The following TTC29 variants were observed in gnomAD, a reference collection of about 807,000 sequenced individuals.
TTC29 encodes the protein tetratricopeptide repeat protein 29.
TTC29 carries 49 observed loss-of-function variants against 58.1 expected under a neutral mutation model. The observed-to-expected ratio is 0.84, with a 90% CI of 0.67 to 1.07. The LOEUF (loss-of-function observed/expected upper bound fraction) is 1.07. TTC29 is among the 50% of genes least tolerant of loss of function. The pLI is 0.00. For synonymous variants in TTC29, 209 were observed against 196.8 expected (o/e 1.06, Z -0.52); for missense variants, 582 against 555.6 (o/e 1.05, Z -0.48).
At chr4:146,712,419 T>G (rs1045830051) in intron 11 of TTC29, among the ~76,000 whole-genome samples, 1 of 152,138 alleles carries the variant, frequency 6.6e-6, no homozygotes, top group Non-Finnish European at 1.5e-5. Flanking sequence ...TGGATTGACA[T>G]AGACTCATGT....
chr4:146,824,606 T>C (rs1727639520), intron 9 of TTC29, among the ~76,000 whole-genome samples: 1 of 152,208 alleles, frequency 6.6e-6, no homozygotes, highest in Non-Finnish European at 1.5e-5. Context: ...ATCAGGATGA[T>C]GCTGGCTTCA....
intron 7 of TTC29, among the ~76,000 whole-genome samples, chr4:146,871,065 A>T (rs1730895760): frequency 6.6e-6 from 1 of 151,972 alleles, no homozygotes; most frequent in Admixed American, 6.6e-5. Flanking sequence ...CCCTACGAAT[A>T]TAGTCACAAA....
intron 11 of TTC29, among the ~76,000 whole-genome samples, chr4:146,780,666 GAAGA>G (rs1048668849): frequency 1.3e-5 from 2 of 151,716 alleles, no homozygotes; most frequent in African/African-American, 4.8e-5. Flanking sequence ...TTAAATTGCT[GAAGA>G]AATATATATT....
At chr4:146,869,747 T>C (rs993753457) in intron 7 of TTC29, among the ~76,000 whole-genome samples, 1 of 152,112 alleles carries the variant, frequency 6.6e-6, no homozygotes, top group Non-Finnish European at 1.5e-5. Flanking sequence ...AAAACATCTA[T>C]TGCTACTGAT....
chr4:146,758,135 G>A (rs1746596617), intron 11 of TTC29, among the ~76,000 whole-genome samples: 1 of 151,950 alleles, frequency 6.6e-6, no homozygotes, highest in African/African-American at 2.4e-5. Context: ...AACTTAAAGG[G>A]GTGGAAAAAG....
intron 11 of TTC29, among the ~76,000 whole-genome samples, chr4:146,728,841 A>ATG (rs1433901686): frequency 2.5e-5 from 2 of 80,120 alleles, no homozygotes; most frequent in African/African-American, 8.5e-5. Flanking sequence ...ATATACACAT[A>ATG]TATATGTATA....
intron 10 of TTC29, among the ~76,000 whole-genome samples, chr4:146,808,584 T>C (rs1750786519): frequency 6.6e-6 from 1 of 152,154 alleles, no homozygotes; most frequent in Non-Finnish European, 1.5e-5. Flanking sequence ...CAAGCATTCC[T>C]ATACACCAAT....
intron 11 of TTC29, among the ~76,000 whole-genome samples, chr4:146,795,036 G>A (rs191149598): frequency 6.6e-6 from 1 of 152,204 alleles, no homozygotes; most frequent in Non-Finnish European, 1.5e-5. Context: ...GTTTGACAAA[G>A]TCCAACTTTG....
chr4:146,724,762 C>T (rs775072904), intron 11 of TTC29, among the ~76,000 whole-genome samples: 10 of 152,182 alleles, frequency 6.6e-5, no homozygotes, highest in Admixed American at 2.0e-4. Context: ...GATCCGCCTG[C>T]CTCGGCCTCC....
chr4:146,927,294 T>G (rs749017188), intron 4 of TTC29, among the ~76,000 whole-genome samples: 7 of 152,116 alleles, frequency 4.6e-5, no homozygotes, highest in Non-Finnish European at 8.8e-5. Context: ...TACAGAAAGG[T>G]TAAGTAACTT....
intron 9 of TTC29, among the ~76,000 whole-genome samples, chr4:146,823,159 T>C (rs1041924268): frequency 1.3e-5 from 2 of 152,250 alleles, no homozygotes; most frequent in African/African-American, 4.8e-5. Flanking sequence ...TTTGGTGTTT[T>C]TGCCATGACG....
At chr4:146,805,957 G>A (rs552118614) in intron 10 of TTC29, among the ~76,000 whole-genome samples, 1 of 152,126 alleles carries the variant, frequency 6.6e-6, no homozygotes, top group East Asian at 1.9e-4. Flanking sequence ...TTAAAATGAA[G>A]GAAACAATGT....
intron 11 of TTC29, among the ~76,000 whole-genome samples, chr4:146,796,789 T>C (rs1749864184): frequency 6.6e-6 from 1 of 152,190 alleles, no homozygotes; most frequent in Non-Finnish European, 1.5e-5. Context: ...TTGGGGCTCC[T>C]TGTAGAAATG....
intron 9 of TTC29, among the ~76,000 whole-genome samples, chr4:146,829,366 C>A (rs1409216501): frequency 6.6e-6 from 1 of 152,118 alleles, no homozygotes; most frequent in Non-Finnish European, 1.5e-5. Context: ...TTTGGTTGAA[C>A]CAATGCATGA....
At chr4:146,836,564 T>G (rs556461063) in intron 8 of TTC29, among the ~76,000 whole-genome samples, 84 of 151,968 alleles carry the variant, frequency 5.5e-4, no homozygotes, top group African/African-American at 1.8e-3. Context: ...AGTAGGAGGG[T>G]CTTCATTAAA....
chr4:146,781,459 T>C (rs1748595321), intron 11 of TTC29, among the ~76,000 whole-genome samples: 1 of 151,712 alleles, frequency 6.6e-6, no homozygotes, highest in Non-Finnish European at 1.5e-5. Flanking sequence ...AACCCCAATA[T>C]CTCCAAACAA....
At chr4:146,845,953 T>C (rs1412398936) in intron 8 of TTC29, among the ~76,000 whole-genome samples, 1 of 152,178 alleles carries the variant, frequency 6.6e-6, no homozygotes, top group Non-Finnish European at 1.5e-5. Context: ...ATACCTGTTT[T>C]GCTCTCCATT....
chr4:146,930,006 C>A (rs1225433484), intron 4 of TTC29, among the ~76,000 whole-genome samples: 1 of 146,722 alleles, frequency 6.8e-6, no homozygotes, highest in East Asian at 2.0e-4. Context: ...TACATATATA[C>A]ACACAAACAT....
intron 10 of TTC29, among the ~76,000 whole-genome samples, chr4:146,815,335 G>A (rs1389052144): frequency 2.0e-5 from 3 of 152,168 alleles, no homozygotes; most frequent in Non-Finnish European, 4.4e-5. Flanking sequence ...ATGGAGCCGG[G>A]GGAGAGGAGA....
Sources: gnomAD v4.1 joint callset for allele counts (sites outside exome capture counted in the v4.1 genomes callset) on GRCh38, gnomAD v4.1.1 for gene constraint, MANE v1.5 for transcripts, NCBI Gene and HGNC (gene_info 2026-07-23, HGNC 2026-07-21) for gene names.